Variants in PPM1A observed in about 807,000 individuals in gnomAD.
PPM1A encodes protein phosphatase, Mg2+/Mn2+ dependent 1A.
In PPM1A, 7 loss-of-function variants were observed where a neutral mutation model predicts 35.0. That is an observed-to-expected ratio of 0.20 (90% confidence interval 0.11 to 0.38). PPM1A has a LOEUF of 0.38. PPM1A is among the 10% of genes least tolerant of loss of function. The pLI is 1.00. For synonymous variants in PPM1A, 153 were observed against 167.3 expected (o/e 0.91, Z 0.66); for missense variants, 239 against 467.8 (o/e 0.51, Z 4.51).
At chr14:60,288,115 T>C in intron 3 of PPM1A, 1 of 984,234 alleles carries the variant, frequency 1.0e-6, no homozygotes, top group Non-Finnish European at 1.2e-6. Context: ...ATAGTATGAA[T>C]GGTCAGGTAG....
chr14:60,266,451 A>C (rs1023287501), intron 1 of PPM1A, among the ~76,000 whole-genome samples: 1 of 152,184 alleles, frequency 6.6e-6, no homozygotes, highest in Non-Finnish European at 1.5e-5. Context: ...CCATAAGATT[A>C]CAGAAATATT....
chr14:60,258,391 A>G (rs1883377519), intron 1 of PPM1A, among the ~76,000 whole-genome samples: 1 of 152,160 alleles, frequency 6.6e-6, no homozygotes, highest in African/African-American at 2.4e-5. Flanking sequence ...ATGTTGAATG[A>G]ATGAGCAGAT....
chr14:60,249,783 G>T lies in PPM1A; in HGVS notation c.-21+106G>T. 7.1e-6 allele frequency: 5 copies of T among 705,786 alleles called. No individual in the cohort carries two copies. The highest frequency in any genetic ancestry group is 7.0e-6 in the Non-Finnish European group (4 of 574,538). The allele number at this position is 705,786 out of a possible 1,614,324, so 43.7% of individuals were successfully genotyped here. A position where few individuals can be genotyped will look rare whatever the true frequency, so the allele number is the denominator to read the frequency against. On this transcript the variant is annotated intron_variant, in intron 1 of 5. Transcript: ENST00000395076. This position sits in a 1 kb window ranked among gnomAD's most constrained non-coding sequence, Gnocchi z 4.5. ...CTGTAAACAAGCCGGGCGTCTGCCC[G>T]GGCGCTCCCGGGAGGAGACGCGACA...
rs542039417 is a variant in PPM1A at position 60,292,331 on chromosome 14, A to C, written c.1120-122A>C. ...CATATATACTTATATACTTTAAAAA[A>C]CATTTATATTCTAAAAGTCATCTTT... On this transcript the variant is annotated intron_variant, in intron 5 of 5. Coordinates refer to ENST00000395076, the MANE Select transcript of PPM1A (RefSeq NM_021003.5). The surrounding 1 kb of genome is among the most constrained non-coding windows in gnomAD (Gnocchi z 4.2). 1 of 681,944 alleles carries C rather than the reference A, an allele frequency of 1.5e-6. No individual in the cohort carries two copies. Among genetic ancestry groups the C allele is most frequent in the African/African-American group, 1.8e-5 (1 of 55,280 alleles). The allele number at this position is 681,944 out of a possible 1,614,324, so 42.2% of individuals were successfully genotyped here.
chr14:60,248,151 C>T (rs1881912225), upstream of PPM1A, among the ~76,000 whole-genome samples: 1 of 152,188 alleles, frequency 6.6e-6, no homozygotes, highest in Admixed American at 6.5e-5. Flanking sequence ...GTTTGTCATT[C>T]TATCCCCGGC....
chr14:60,255,234 C>T (rs1210168176), intron 1 of PPM1A, among the ~76,000 whole-genome samples: 4 of 142,224 alleles, frequency 2.8e-5, no homozygotes, highest in East Asian at 2.0e-4. Context: ...TGCAGTGGCG[C>T]GATCTCGGCT....
At chr14:60,290,044 A>G (rs1283958376) in intron 4 of PPM1A, 130 bp downstream of exon 4, 5 of 576,566 alleles carry the variant, frequency 8.7e-6, no homozygotes, top group African/African-American at 6.0e-5. Context: ...TGTGATTTCA[A>G]TTTTTTTTTA....
At position 60,286,570 on chromosome 14, in the gene PPM1A, C is replaced by T. The variant is rs150223114; in HGVS notation, c.952+829C>T. Reference sequence around the variant, plus strand: ...AAATAGCGTTAAAATGCATTTTAGGCTCCTAATGTCGTTAATTTGCACGTT... The same window carrying T: ...AAATAGCGTTAAAATGCATTTTAGGTTCCTAATGTCGTTAATTTGCACGTT... On this transcript the variant is annotated intron_variant, in intron 3 of 5. Transcript: ENST00000395076. 6.6e-3 allele frequency: 6,528 copies of T among 985,254 alleles called. 28 individuals carry two copies. Among genetic ancestry groups the T allele is most frequent in the Non-Finnish European group, 7.2e-3 (5,966 of 829,858 alleles). The allele number at this position is 985,254 out of a possible 1,614,324, so 61.0% of individuals were successfully genotyped here. A position where few individuals can be genotyped will look rare whatever the true frequency, so the allele number is the denominator to read the frequency against.
At chr14:60,250,143 G>A (rs891378982) in intron 1 of PPM1A, among the ~76,000 whole-genome samples, 5 of 152,024 alleles carry the variant, frequency 3.3e-5, no homozygotes, top group Non-Finnish European at 4.4e-5. Context: ...CTTTGAACCG[G>A]GCTTAGCCTC....
At chr14:60,272,678 G>T in intron 1 of PPM1A, among the ~76,000 whole-genome samples, 1 of 122,988 alleles carries the variant, frequency 8.1e-6, no homozygotes, top group African/African-American at 3.3e-5. Flanking sequence ...GCGACAGAGT[G>T]AGACTCTGTC....
At chr14:60,259,091 G>GA (rs1883459856) in intron 1 of PPM1A, among the ~76,000 whole-genome samples, 1 of 152,014 alleles carries the variant, frequency 6.6e-6, no homozygotes, top group Non-Finnish European at 1.5e-5. Context: ...ACTTTCACTT[G>GA]AAAAGGTTTT....
At chr14:60,271,536 A>C (rs1191694646) in intron 1 of PPM1A, among the ~76,000 whole-genome samples, 1 of 152,216 alleles carries the variant, frequency 6.6e-6, no homozygotes, top group Non-Finnish European at 1.5e-5. Context: ...CGAATGATGC[A>C]AACTCTGATG....
intron 1 of PPM1A, among the ~76,000 whole-genome samples, chr14:60,269,298 TTAAA>T (rs1219249208): frequency 6.6e-6 from 1 of 152,208 alleles, no homozygotes; most frequent in African/African-American, 2.4e-5. Flanking sequence ...GAATCTATCT[TTAAA>T]TAGTTTATTT....
chr14:60,288,657 T>C (rs1887290544), intron 3 of PPM1A: 2 of 592,772 alleles, frequency 3.4e-6, no homozygotes, highest in South Asian at 1.5e-4. Flanking sequence ...AAGGACAGTT[T>C]GAACCATTTA....
At chr14:60,274,135 A>G (rs4899007) in intron 1 of PPM1A, among the ~76,000 whole-genome samples, 57,523 of 152,058 alleles carry the variant, frequency 0.38, 12,224 homozygotes, top group African/African-American at 0.58. Flanking sequence ...TGAGCCTGCA[A>G]AGGAGACGAC....
chr14:60,274,966 A>G (rs899224005), intron 1 of PPM1A, among the ~76,000 whole-genome samples: 1 of 151,850 alleles, frequency 6.6e-6, no homozygotes, highest in African/African-American at 2.4e-5. Flanking sequence ...TAGCCTAAGT[A>G]TCTGAAATTG....
chr14:60,298,668 A>G lies in PPM1A; in HGVS notation c.*6186A>G, dbSNP rs1888244184. ...ATTGATTTCACTCTTGAAATGAGTT[A>G]TATCACTTAATTTGTATAAATGTTA... On this transcript the variant is annotated 3_prime_UTR_variant, in exon 6 of 6. Coordinates refer to ENST00000395076, the MANE Select transcript of PPM1A (RefSeq NM_021003.5). The G allele has an allele frequency of 6.6e-6, 1 of 151,844 alleles. No individual in the cohort carries two copies. The highest frequency in any genetic ancestry group is 2.4e-5 in the African/African-American group (1 of 41,426). The allele number at this position is 151,844 out of a possible 1,614,324, so 9.4% of individuals were successfully genotyped here.
rs377272816 is a variant in PPM1A at position 60,289,940 on chromosome 14, T to C, written c.1061+26T>C. ...GTAAGTTACATTCTGTACACTCTTA[T>C]GCTTTATGTCAGTGTATGAAAATGT... On this transcript the variant is annotated intron_variant, in intron 4 of 5. Transcript: ENST00000395076. The surrounding 1 kb of genome is among the most constrained non-coding windows in gnomAD (Gnocchi z 4.1). 216 of 1,423,856 alleles carry C rather than the reference T, an allele frequency of 1.5e-4. No individual in the cohort carries two copies. The highest frequency in any genetic ancestry group is 5.0e-5 in the Non-Finnish European group (52 of 1,044,132). The allele number at this position is 1,423,856 out of a possible 1,614,324, so 88.2% of individuals were successfully genotyped here. A position where few individuals can be genotyped will look rare whatever the true frequency, so the allele number is the denominator to read the frequency against.
intron 4 of PPM1A, 69 bp from the exon 5 acceptor site, chr14:60,291,328 C>CTGGCTA: frequency 9.3e-7 from 1 of 1,071,722 alleles, no homozygotes; most frequent in Non-Finnish European, 1.3e-6. Flanking sequence ...TAATAAACAC[C>CTGGCTA]TGGCTATGAG....
Sources: allele counts gnomAD v4.1 joint callset (sites outside exome capture counted in the v4.1 genomes callset), GRCh38; gene constraint gnomAD v4.1.1; non-coding constraint Gnocchi (gnomAD v3.1); transcripts MANE v1.5; gene names NCBI Gene and HGNC (gene_info 2026-07-23, HGNC 2026-07-21).